C13orf46: variants seen among roughly 807,000 people sequenced by gnomAD.
The protein encoded by C13orf46 is uncharacterized protein C13orf46.
At chr13:113,950,913 G>A (rs2052486162), downstream of C13orf46, among the ~76,000 whole-genome samples, 1 of 152,232 alleles carries the variant, frequency 6.6e-6, no homozygotes, top group Non-Finnish European at 1.5e-5. Flanking sequence ...CTTCCCCGGG[G>A]CCCCGGGATG....
At chr13:113,966,757 A>G (rs1038166258) in intron 5 of C13orf46, among the ~76,000 whole-genome samples, 1 of 151,496 alleles carries the variant, frequency 6.6e-6, no homozygotes. Flanking sequence ...GTTGTGATAT[A>G]ATGATGGTGT....
At chr13:113,931,583 C>T in the C13orf46 span, among the ~76,000 whole-genome samples, 1 of 152,180 alleles carries the variant, frequency 6.6e-6, no homozygotes, top group Non-Finnish European at 1.5e-5. Flanking sequence ...TCGGAAGTAA[C>T]TCGCAAGCAG....
chr13:113,957,966 G>T (rs1395580287), intron 6 of C13orf46, among the ~76,000 whole-genome samples: 19 of 130,360 alleles, frequency 1.5e-4, no homozygotes, highest in Non-Finnish European at 2.2e-4. Flanking sequence ...CACTGGGGGG[G>T]TCTCCCCTGC....
chr13:113,938,627 G>A, the C13orf46 span, among the ~76,000 whole-genome samples: 1 of 152,168 alleles, frequency 6.6e-6, no homozygotes, highest in Admixed American at 6.5e-5. Context: ...CCCCCTGCAA[G>A]GTTGCCCTGT....
rs1392197941 is a variant in C13orf46 at position 113,957,656 on chromosome 13, T to C, written c.573-817A>G. 2.5e-3 allele frequency among the ~76,000 whole-genome samples: 346 copies of C among 138,330 alleles called. 2 individuals are homozygous for C. The East Asian group carries it at 0.038, about 15-fold the overall frequency. The allele number at this position is 138,330 out of a possible 152,430, so 90.7% of individuals were successfully genotyped here. ...CCCCTGCACTCTGCCTGCACCCCCTTTCATCAAGCACACTGGGGGTCTCCT... is the reference window on the plus strand; with the variant it reads ...CCCCTGCACTCTGCCTGCACCCCCTCTCATCAAGCACACTGGGGGTCTCCT... On this transcript the variant is annotated intron_variant, in intron 6 of 6. Transcript: ENST00000636427.
chr13:113,929,119 C>T, the C13orf46 span, among the ~76,000 whole-genome samples: 2 of 152,240 alleles, frequency 1.3e-5, no homozygotes, highest in African/African-American at 4.8e-5. Flanking sequence ...CTCGCAGGTC[C>T]CCAGGCCGTG....
intron 5 of C13orf46, among the ~76,000 whole-genome samples, chr13:113,965,956 ATGGTGATTATAATGTTGG>A (rs2052638794): frequency 3.5e-5 from 5 of 144,684 alleles, no homozygotes; most frequent in Admixed American, 1.4e-4. Flanking sequence ...GATGATGGTG[ATGGTGATTATAATGTTGG>A]TGATGATGGT....
At chr13:113,969,616 G>C (rs1461391982) in intron 2 of C13orf46, among the ~76,000 whole-genome samples, 1 of 152,234 alleles carries the variant, frequency 6.6e-6, no homozygotes, top group East Asian at 1.9e-4. Context: ...TGTTAGATCT[G>C]AGACAAATTT....
chr13:113,972,685 G>C (rs1321426899), intron 1 of C13orf46, among the ~76,000 whole-genome samples: 2 of 152,214 alleles, frequency 1.3e-5, no homozygotes, highest in Non-Finnish European at 2.9e-5. Flanking sequence ...TACACGTTTC[G>C]CGGTTTAGAA....
rs2052500210 is a variant in C13orf46, at chr13:113,953,885, T to TGTCCAGGACAGCCC, written c.*2874_*2887dup. On this transcript the variant is annotated 3_prime_UTR_variant, in exon 7 of 7. Transcript: ENST00000636427. ...AGTCACACCCAACTGCCCGGCAGCCTGTCCAGGACAGCCCGTCCAGGGCCC... is the reference window on the plus strand; with the variant it reads ...AGTCACACCCAACTGCCCGGCAGCCTGTCCAGGACAGCCCGTCCAGGACAGCCCGTCCAGGGCCC... 6.6e-6 allele frequency: 1 copy of TGTCCAGGACAGCCC among 152,252 alleles called. No homozygotes were observed. The highest frequency in any genetic ancestry group is 2.4e-5 in the African/African-American group (1 of 41,462). 9.4% of individuals were successfully genotyped at this position (152,252 alleles called of 1,614,324 possible).
In C13orf46 at chr13:113,955,861, A is replaced by T. The variant is rs2052525656; in HGVS notation, c.*912T>A. ...GGAGCATCTCGAGGAGAGGAGGAGC[A>T]TCTCGAGGAGAGGAGGAGCATCCGG... On this transcript the variant is annotated 3_prime_UTR_variant, in exon 7 of 7. Coordinates refer to ENST00000636427, the MANE Select transcript of C13orf46 (RefSeq NM_001365455.2). 1 of 160,602 alleles carries T rather than the reference A, an allele frequency of 6.2e-6. No homozygotes were observed. The highest frequency in any genetic ancestry group is 2.0e-4 in the East Asian group (1 of 5,108). 9.9% of individuals were successfully genotyped at this position (160,602 alleles called of 1,614,324 possible).
At chr13:113,936,418 G>A in the C13orf46 span, among the ~76,000 whole-genome samples, 1 of 152,126 alleles carries the variant, frequency 6.6e-6, no homozygotes, top group East Asian at 1.9e-4. Context: ...CATTCCCACT[G>A]GCTCAAAGGA....
At chr13:113,949,599 G>A (rs1022574683), downstream of C13orf46, among the ~76,000 whole-genome samples, 3 of 152,240 alleles carry the variant, frequency 2.0e-5, no homozygotes, top group African/African-American at 7.2e-5. Context: ...AAGACAAAGG[G>A]CATTCTGTCC....
the C13orf46 span, among the ~76,000 whole-genome samples, chr13:113,936,052 T>C: frequency 0.18 from 27,134 of 152,218 alleles, 2,677 homozygotes; most frequent in African/African-American, 0.2. Flanking sequence ...GCCATCTACA[T>C]GTAACCGATT....
At chr13:113,972,122 C>CCTCCCTCCATCCGACCCCGGCCT (rs1204373512) in intron 1 of C13orf46, among the ~76,000 whole-genome samples, 2 of 152,156 alleles carry the variant, frequency 1.3e-5, no homozygotes, top group Non-Finnish European at 2.9e-5. Context: ...GGGCTCAATC[C>CCTCCCTCCATCCGACCCCGGCCT]CTCCCTCCAT....
chr13:113,943,138 G>A, the C13orf46 span, among the ~76,000 whole-genome samples: 1 of 152,180 alleles, frequency 6.6e-6, no homozygotes, highest in Non-Finnish European at 1.5e-5. Flanking sequence ...GTTGGCTCCT[G>A]TCAACAAAGA....
downstream of C13orf46, among the ~76,000 whole-genome samples, chr13:113,951,099 G>A (rs1001491272): frequency 6.6e-5 from 10 of 152,236 alleles, no homozygotes; most frequent in Non-Finnish European, 1.3e-4. Context: ...CCTCATGGGC[G>A]TGTGGTCCTG....
chr13:113,957,170 C>A (rs1217326779), intron 6 of C13orf46, among the ~76,000 whole-genome samples: 4 of 151,002 alleles, frequency 2.6e-5, no homozygotes, highest in African/African-American at 9.8e-5. Context: ...GCATGCAACC[C>A]CTTTCATCAA....
At chr13:113,942,178 C>T in the C13orf46 span, among the ~76,000 whole-genome samples, 2 of 152,252 alleles carry the variant, frequency 1.3e-5, no homozygotes, top group Admixed American at 6.5e-5. Flanking sequence ...CTACACTTTT[C>T]ACAAACCACA....
Sources: allele counts gnomAD v4.1 joint callset (sites outside exome capture counted in the v4.1 genomes callset), GRCh38; gene constraint gnomAD v4.1.1; transcripts MANE v1.5; gene names NCBI Gene and HGNC (gene_info 2026-07-23, HGNC 2026-07-21).